Variants in NSG1 observed in about 807,000 individuals in gnomAD.
NSG1 encodes the protein neuronal vesicle trafficking associated 1.
In NSG1, 9 loss-of-function variants were observed where a neutral mutation model predicts 19.3. The observed-to-expected ratio is 0.47, with a 90% CI of 0.28 to 0.81. The LOEUF is 0.81. Ranked by LOEUF, NSG1 falls within the 40% of genes least tolerant of loss-of-function variation. The pLI is 0.11. For missense variants in NSG1, 236 were observed against 242.4 expected (o/e 0.97, Z 0.18); for synonymous variants, 104 against 107.0 (o/e 0.97, Z 0.17).
At chr4:4,415,260 C>T (rs569846764) in intron 4 of NSG1, among the ~76,000 whole-genome samples, 5 of 152,128 alleles carry the variant, frequency 3.3e-5, no homozygotes, top group Non-Finnish European at 7.4e-5. Context: ...GCTGGGAACA[C>T]ACTTACGTAG....
chr4:4,398,124 T>G (rs1335929193), intron 3 of NSG1, among the ~76,000 whole-genome samples: 1 of 151,794 alleles, frequency 6.6e-6, no homozygotes, highest in Non-Finnish European at 1.5e-5. Context: ...CCGGCTAATT[T>G]TTGTATTTTT....
chr4:4,413,314 C>G (rs1577296443), intron 4 of NSG1, among the ~76,000 whole-genome samples: 1 of 151,546 alleles, frequency 6.6e-6, no homozygotes, highest in East Asian at 1.9e-4. Context: ...AGGAGCGGGT[C>G]TCCAGGAGGT....
Position 4,417,551 on chromosome 4 carries a change from G to A in NSG1, c.*116G>A. On this transcript the variant is annotated 3_prime_UTR_variant, in exon 5 of 5. Coordinates refer to ENST00000621129, the MANE Select transcript of NSG1 (RefSeq NM_014392.5). Reference sequence around the variant, plus strand: ...GAGGTTACTCATTTACGGTGCAATTGCTTCTGTTTGCTAATGCTGCTTTGC... The same window carrying A: ...GAGGTTACTCATTTACGGTGCAATTACTTCTGTTTGCTAATGCTGCTTTGC... 2.0e-6 allele frequency: 2 copies of A among 1,007,312 alleles called. No individual in the cohort carries two copies. Among genetic ancestry groups the A allele is most frequent in the Non-Finnish European group, 2.9e-6 (2 of 686,248 alleles). The allele number at this position is 1,007,312 out of a possible 1,614,324, so 62.4% of individuals were successfully genotyped here.
chr4:4,406,819 G>A (rs1723885332), intron 3 of NSG1, among the ~76,000 whole-genome samples: 1 of 152,196 alleles, frequency 6.6e-6, no homozygotes, highest in Admixed American at 6.5e-5. Flanking sequence ...CCTGTCCAGA[G>A]CCTGTCCCAA....
chr4:4,412,327 A>G (rs1724255182), intron 4 of NSG1, among the ~76,000 whole-genome samples: 2 of 151,428 alleles, frequency 1.3e-5, no homozygotes, highest in Admixed American at 1.3e-4. Flanking sequence ...CCGGCTGCAG[A>G]TGAGACTGGC....
Position 4,387,751 on chromosome 4 carries a change from C to A in NSG1, c.122C>A (p.Pro41Gln). The A allele has an allele frequency of 6.2e-7, 1 of 1,607,396 alleles. No homozygotes were observed. The highest frequency in any genetic ancestry group is 8.5e-7 in the Non-Finnish European group (1 of 1,174,448). Residue 41 changes from proline to glutamine, a missense_variant, in exon 2 of 5, where the codon CCG (proline) becomes CAG (glutamine). By Grantham distance (76) the Pro-to-Gln change is moderately conservative (BLOSUM62 -1). Coordinates refer to ENST00000621129, the MANE Select transcript of NSG1 (RefSeq NM_014392.5). Reference protein sequence around the residue: ...LDVNQLQFPPPDKVVVKTKTE... With the variant: ...LDVNQLQFPPQDKVVVKTKTE... ...GTCAATCAGCTGCAGTTCCCGCCCCCGGATAAGGTAAGCCCCCCCACGCCC... is the reference window on the plus strand; with the variant it reads ...GTCAATCAGCTGCAGTTCCCGCCCCAGGATAAGGTAAGCCCCCCCACGCCC...
chr4:4,417,000 G>T (rs1724580148), intron 4 of NSG1, among the ~76,000 whole-genome samples: 1 of 152,128 alleles, frequency 6.6e-6, no homozygotes, highest in African/African-American at 2.4e-5. Context: ...CACCCTTGGA[G>T]CCCAAGTGCC....
At chr4:4,409,486 T>G in intron 3 of NSG1, 87 bp from the exon 4 acceptor site, 1 of 957,550 alleles carries the variant, frequency 1.0e-6, no homozygotes, top group South Asian at 1.3e-5. Flanking sequence ...GCACATGCTG[T>G]GTGGGGGGGG....
intron 4 of NSG1, 53 bp downstream of exon 4, chr4:4,409,736 C>G: frequency 1.4e-6 from 2 of 1,410,376 alleles, no homozygotes; most frequent in East Asian, 2.3e-5. Context: ...ACCCCATGTT[C>G]TCTCCCTTGA....
intron 1 of NSG1, 43 bp from the exon 2 acceptor site, chr4:4,387,561 C>CGGGGGTGGGTGGG: frequency 1.9e-5 from 22 of 1,141,958 alleles, no homozygotes; most frequent in South Asian, 2.9e-5. Context: ...CGCCCCGCCC[C>CGGGGGTGGGTGGG]GGGTCTTGCT....
chr4:4,399,366 C>T (rs1036564597), intron 3 of NSG1, among the ~76,000 whole-genome samples: 2 of 152,166 alleles, frequency 1.3e-5, no homozygotes, highest in African/African-American at 4.8e-5. Context: ...TGGTCTCAAA[C>T]TCCTGGACTC....
chr4:4,403,865 G>T (rs7676085), intron 3 of NSG1, among the ~76,000 whole-genome samples: 127,165 of 152,184 alleles, frequency 0.84, 53,231 homozygotes, highest in East Asian at 0.96. Context: ...TAGTGTTTTG[G>T]TGTGAGAGTA....
rs1430550708 is a variant in NSG1, at chr4:4,416,016, AC to A, written c.358-1218del. 3 of 689,506 alleles carry A rather than the reference AC, an allele frequency of 4.4e-6. No homozygotes were observed. The East Asian group carries it at 8.1e-5, about 19-fold the overall frequency. The allele number at this position is 689,506 out of a possible 1,614,324, so 42.7% of individuals were successfully genotyped here. ...AAGACGCTGTTGATAAAAGGGCTGT[AC>A]TTCAGTGGTGTCTTTTGGCTTTCTT... On this transcript the variant is annotated intron_variant, in intron 4 of 4. Transcript: ENST00000621129.
intron 3 of NSG1, among the ~76,000 whole-genome samples, chr4:4,395,007 A>T (rs575290872): frequency 6.6e-6 from 1 of 152,346 alleles, no homozygotes; most frequent in South Asian, 2.1e-4. Context: ...CGGCTCTAGA[A>T]GCCTGTTGCT....
intron 3 of NSG1, among the ~76,000 whole-genome samples, chr4:4,398,423 C>G (rs1723382077): frequency 6.6e-6 from 1 of 151,926 alleles, no homozygotes; most frequent in Non-Finnish European, 1.5e-5. Flanking sequence ...AGACCCCATT[C>G]CCATTAAGCA....
chr4:4,405,881 C>T (rs1723826801), intron 3 of NSG1, among the ~76,000 whole-genome samples: 1 of 152,110 alleles, frequency 6.6e-6, no homozygotes, highest in African/African-American at 2.4e-5. Flanking sequence ...CGGAGGACAC[C>T]CCCGAGGAGG....
chr4:4,387,830 GAA>G (rs1387063847), intron 2 of NSG1, 72 bp downstream of exon 2: 4 of 1,291,304 alleles, frequency 3.1e-6, no homozygotes, highest in Non-Finnish European at 3.3e-6. Flanking sequence ...CGCAACAAAA[GAA>G]ACGCGCCGCG....
intron 4 of NSG1, among the ~76,000 whole-genome samples, chr4:4,416,447 A>G (rs1724547163): frequency 6.6e-6 from 1 of 152,206 alleles, no homozygotes; most frequent in South Asian, 2.1e-4. Flanking sequence ...GCTGGGTGGC[A>G]TCAGGAGCTG....
intron 4 of NSG1, among the ~76,000 whole-genome samples, chr4:4,411,374 G>A (rs904259417): frequency 1.3e-5 from 2 of 152,104 alleles, no homozygotes; most frequent in Non-Finnish European, 2.9e-5. Flanking sequence ...CAGTATCACC[G>A]CCTTCTGCCT....
Sources: gnomAD v4.1 joint callset for allele counts (sites outside exome capture counted in the v4.1 genomes callset) on GRCh38, gnomAD v4.1.1 for gene constraint, MANE v1.5 for transcripts, NCBI Gene and HGNC (gene_info 2026-07-23, HGNC 2026-07-21) for gene names.